Variants in ADGRL2 observed in about 807,000 individuals in gnomAD.
The protein encoded by ADGRL2 is adhesion G protein-coupled receptor L2.
In ADGRL2, 44 loss-of-function variants were observed where a neutral mutation model predicts 157.4. That is an observed-to-expected ratio of 0.28 (90% CI 0.22 to 0.36). The LOEUF (loss-of-function observed/expected upper bound fraction) is 0.36. ADGRL2 is among the 10% of genes least tolerant of loss of function. ADGRL2 has a pLI of 1.00. For missense variants in ADGRL2, 1,510 were observed against 1,768.9 expected (o/e 0.85, Z 2.63); for synonymous variants, 585 against 624.7 (o/e 0.94, Z 0.95).
At chr1:81,650,079 C>T (rs2082384790) in intron 3 of ADGRL2, among the ~76,000 whole-genome samples, 1 of 150,976 alleles carries the variant, frequency 6.6e-6, no homozygotes. Flanking sequence ...AAAATCACAT[C>T]CCTGAAGGGA....
In ADGRL2 at chr1:81,562,937, G is replaced by A. The variant is rs981333595; in HGVS notation, c.-247-17939G>A. On this transcript the variant is annotated intron_variant, in intron 2 of 24. Coordinates refer to the ADGRL2 transcript ENST00000370721. ...AAGCATTTCATTCATTTATTCATTC[G>A]CCCATTCAACAATATGTCTGTATTT... is the stretch of plus-strand genomic sequence containing the variant. Among the ~76,000 whole-genome samples, 10 of 151,456 alleles carry A rather than the reference G, an allele frequency of 6.6e-5. No individual in the cohort carries two copies. The East Asian group carries it at 1.4e-3, about 21-fold the overall frequency.
At chr1:81,737,915 C>T (rs2084955478) in intron 1 of ADGRL2, among the ~76,000 whole-genome samples, 1 of 152,152 alleles carries the variant, frequency 6.6e-6, no homozygotes, top group African/African-American at 2.4e-5. Context: ...TACACTTACC[C>T]CATAAAATAC....
intron 2 of ADGRL2, among the ~76,000 whole-genome samples, chr1:81,766,116 A>T (rs1168743329): frequency 6.6e-6 from 1 of 152,178 alleles, no homozygotes; most frequent in Non-Finnish European, 1.5e-5. Context: ...TAATCAGCAA[A>T]AAAACAATTG....
At chr1:81,940,156 C>G (rs1557955861) in intron 4 of ADGRL2, among the ~76,000 whole-genome samples, 1 of 151,306 alleles carries the variant, frequency 6.6e-6, no homozygotes, top group Non-Finnish European at 1.5e-5. Flanking sequence ...TTCTATTGAA[C>G]TTGTTTTAAG....
intron 1 of ADGRL2, among the ~76,000 whole-genome samples, chr1:81,412,310 G>A (rs1409872316): frequency 3.3e-5 from 5 of 152,164 alleles, no homozygotes; most frequent in African/African-American, 1.2e-4. Context: ...ATCATGTTAT[G>A]TTTTAAGGAG....
intron 2 of ADGRL2, among the ~76,000 whole-genome samples, chr1:81,892,105 CTG>C (rs1461680663): frequency 6.6e-6 from 1 of 151,894 alleles, no homozygotes; most frequent in Non-Finnish European, 1.5e-5. Context: ...TGTACCAACA[CTG>C]TGAATTAATT....
intron 3 of ADGRL2, among the ~76,000 whole-genome samples, chr1:81,689,056 T>G (rs954007739): frequency 1.6e-4 from 24 of 152,318 alleles, no homozygotes; most frequent in African/African-American, 5.5e-4. Flanking sequence ...AGAACAGGTG[T>G]CCACCAGTGC....
chr1:81,722,772 A>T (rs981336445), intron 1 of ADGRL2: 2 of 780,912 alleles, frequency 2.6e-6, no homozygotes, highest in African/African-American at 3.4e-5. Context: ...AGCATGAGAG[A>T]GCCCGGAGGG....
At chr1:81,684,110 C>T (rs1409869748) in intron 3 of ADGRL2, among the ~76,000 whole-genome samples, 10 of 152,122 alleles carry the variant, frequency 6.6e-5, no homozygotes, top group Non-Finnish European at 1.0e-4. Flanking sequence ...CCACTGCGCC[C>T]GGCCAAATAA....
chr1:81,557,936 G>A (rs2080351073), intron 2 of ADGRL2: 1 of 152,228 alleles, frequency 6.6e-6, no homozygotes, highest in Non-Finnish European at 1.5e-5. Context: ...ACCTTACATT[G>A]AGGAGGGCGC....
At chr1:81,317,878 G>C (rs187362534) in intron 1 of ADGRL2, among the ~76,000 whole-genome samples, 417 of 152,212 alleles carry the variant, frequency 2.7e-3, no homozygotes, top group Non-Finnish European at 4.5e-3. Flanking sequence ...AACATGGCAT[G>C]ATTGTGTGTA....
At chr1:81,960,776 T>C (rs1655097032) in intron 11 of ADGRL2, among the ~76,000 whole-genome samples, 1 of 152,142 alleles carries the variant, frequency 6.6e-6, no homozygotes, top group Admixed American at 6.5e-5. Context: ...CCTGGCCTTA[T>C]TTATTGTTTT....
At chr1:81,716,283 C>A (rs2084113977) in intron 1 of ADGRL2, among the ~76,000 whole-genome samples, 1 of 152,118 alleles carries the variant, frequency 6.6e-6, no homozygotes. Context: ...ATAGACTTTG[C>A]ATGACCTTAA....
intron 11 of ADGRL2, among the ~76,000 whole-genome samples, chr1:81,960,170 T>C (rs1360458957): frequency 2.0e-5 from 3 of 152,230 alleles, no homozygotes; most frequent in Admixed American, 2.0e-4. Flanking sequence ...TTTTTTGTTT[T>C]TCTTGAGGAA....
In ADGRL2 at chr1:81,852,432, G is replaced by A. The variant is rs547057918; in HGVS notation, c.73+15375G>A. 8.5e-5 allele frequency among the ~76,000 whole-genome samples: 13 copies of A among 152,094 alleles called. 1 individual carries two copies. Among genetic ancestry groups the A allele is most frequent in the Middle Eastern group, 3.4e-3 (1 of 294 alleles). ...TATGAATCTAATCTGAGATGTATGT[G>A]GGAAAAAAATTTTTAAAAAGCTGTA... On this transcript the variant is annotated intron_variant, in intron 2 of 23. Transcript: ENST00000686636.
At chr1:81,405,455 C>G (rs892315236) in intron 1 of ADGRL2, among the ~76,000 whole-genome samples, 1 of 151,734 alleles carries the variant, frequency 6.6e-6, no homozygotes, top group Non-Finnish European at 1.5e-5. Flanking sequence ...ATTGCGTGAG[C>G]CCAGGAGTTC....
intron 1 of ADGRL2, among the ~76,000 whole-genome samples, chr1:81,326,604 T>C (rs1460824142): frequency 6.6e-6 from 1 of 152,084 alleles, no homozygotes; most frequent in Non-Finnish European, 1.5e-5. Context: ...GTGAACTACA[T>C]ACAAAAGAAG....
intron 2 of ADGRL2, among the ~76,000 whole-genome samples, chr1:81,496,386 AATC>A (rs1335163205): frequency 6.6e-6 from 1 of 152,178 alleles, no homozygotes; most frequent in East Asian, 1.9e-4. Flanking sequence ...AAGGGGGAGA[AATC>A]ATTAATTACA....
At chr1:81,419,262 G>A (rs562913466) in intron 1 of ADGRL2, among the ~76,000 whole-genome samples, 37 of 152,236 alleles carry the variant, frequency 2.4e-4, no homozygotes, top group African/African-American at 8.2e-4. Context: ...GGAGTGCAGT[G>A]GCCTGATTTC....
Sources: gnomAD v4.1 joint callset for allele counts (sites outside exome capture counted in the v4.1 genomes callset) on GRCh38, gnomAD v4.1.1 for gene constraint, MANE v1.5 for transcripts, NCBI Gene and HGNC (gene_info 2026-07-23, HGNC 2026-07-21) for gene names.